The following TNRC18 variants were observed in gnomAD, a reference collection of about 807,000 sequenced individuals.
TNRC18 encodes trinucleotide repeat containing 18.
TNRC18 carries 69 observed loss-of-function variants against 226.7 expected under a neutral mutation model. The observed-to-expected ratio is 0.30, with a 90% CI of 0.25 to 0.37. The LOEUF is 0.37. Ranked by LOEUF, TNRC18 falls within the 10% of genes least tolerant of loss-of-function variation. The pLI, the probability that TNRC18 is intolerant of heterozygous loss-of-function variation, is 1.00. For missense variants in TNRC18, 4,754 were observed against 4,256.6 expected (o/e 1.12, Z -3.25); for synonymous variants, 2,449 against 1,927.6 (o/e 1.27, Z -7.09).
intron 16 of TNRC18, among the ~76,000 whole-genome samples, chr7:5,353,847 G>C (rs1410547813): frequency 6.6e-6 from 1 of 152,148 alleles, no homozygotes; most frequent in Non-Finnish European, 1.5e-5. Flanking sequence ...CCATGAGTCC[G>C]TTTCTCTCAT....
At chr7:5,416,685 G>A (rs920976210) in intron 2 of TNRC18, among the ~76,000 whole-genome samples, 5 of 150,006 alleles carry the variant, frequency 3.3e-5, no homozygotes, top group Admixed American at 6.7e-5. Context: ...GTAAAACTCC[G>A]TCTCTACTAA....
chr7:5,307,768 C>A lies in TNRC18; in HGVS notation c.*338G>T, dbSNP rs1269827880. 2 of 387,080 alleles carry A rather than the reference C, an allele frequency of 5.2e-6. No homozygotes were observed. Among genetic ancestry groups the A allele is most frequent in the South Asian group, 2.3e-5 (1 of 44,428 alleles). 24.0% of individuals were successfully genotyped at this position (387,080 alleles called of 1,614,324 possible). ...CTGCATGGACCTGGGGGCACCCGGGCCCCCACGCAGCAGCAGCCTGGAGGG... is the reference window on the plus strand; with the variant it reads ...CTGCATGGACCTGGGGGCACCCGGGACCCCACGCAGCAGCAGCCTGGAGGG... On this transcript the variant is annotated 3_prime_UTR_variant, in exon 30 of 30. Coordinates refer to ENST00000430969, the MANE Select transcript of TNRC18 (RefSeq NM_001080495.3).
intron 3 of TNRC18, among the ~76,000 whole-genome samples, chr7:5,391,757 G>A (rs1045050445): frequency 2.0e-5 from 3 of 150,952 alleles, no homozygotes; most frequent in African/African-American, 7.3e-5. Context: ...AGCACTCTGG[G>A]AGGCCGATGG....
At chr7:5,392,833 C>A (rs916352653) in intron 3 of TNRC18, among the ~76,000 whole-genome samples, 2 of 152,024 alleles carry the variant, frequency 1.3e-5, no homozygotes, top group Non-Finnish European at 2.9e-5. Flanking sequence ...CATGGTGAAA[C>A]CCCAACTCCA....
chr7:5,327,372 CGTGTGTGTGTGTGTGTGTGTGTGT>C (rs5882054), intron 19 of TNRC18, among the ~76,000 whole-genome samples: 2 of 142,810 alleles, frequency 1.4e-5, no homozygotes, highest in Non-Finnish European at 1.6e-5. Flanking sequence ...TGTGTTTGTG[CGTGTGTGTGTGTGTGTGTGTGTGT>C]GTGTGTGTGT....
chr7:5,333,107 C>T, intron 18 of TNRC18, 58 bp from the exon 19 acceptor site: 2 of 1,521,496 alleles, frequency 1.3e-6, no homozygotes, highest in Non-Finnish European at 1.8e-6. Flanking sequence ...TTCCCTCCCA[C>T]CCAGCCACAT....
intron 11 of TNRC18, among the ~76,000 whole-genome samples, chr7:5,366,254 C>G (rs972504896): frequency 6.8e-6 from 1 of 147,814 alleles, no homozygotes; most frequent in African/African-American, 2.5e-5. Context: ...AATGTGGTTG[C>G]CAATGTCCCC....
Position 5,388,659 on chromosome 7 carries a change from G to A in TNRC18, c.1165C>T (p.Gln389Ter). The A allele has an allele frequency of 7.8e-7, 1 of 1,277,050 alleles. No individual in the cohort carries two copies. Among genetic ancestry groups the A allele is most frequent in the Non-Finnish European group, 9.9e-7 (1 of 1,010,034 alleles). 79.1% of individuals were successfully genotyped at this position (1,277,050 alleles called of 1,614,324 possible). ...GCATCGCGCGCCTGGGATGCGATCT[G>A]GATGGGCCCCGGGCGCTCGTCGAAG... is the stretch of plus-strand genomic sequence containing the variant. ...EAFDERPGPI[Q>*]IASQARDARA... The change falls in exon 5 of 30, where the codon CAG becomes TAG. Residue 389 changes from glutamine to a stop codon, truncating the protein, a stop_gained. Transcript: ENST00000430969. LOFTEE classifies it high-confidence loss of function.
Position 5,309,344 on chromosome 7 carries a change from G to C in TNRC18, c.8413C>G (p.Arg2805Gly). The C allele has an allele frequency of 6.2e-7, 1 of 1,613,426 alleles. No individual in the cohort carries two copies. The highest frequency in any genetic ancestry group is 8.5e-7 in the Non-Finnish European group (1 of 1,179,670). ...ACGATGGCCTTGTAGAAGAGCTTGC[G>C]GGCCTTGCCCTTCATGCCACGCCGC... ...TQRRGMKGKA[R>G]KLFYKAIVRG... The change falls in exon 28 of 30, where the codon CGC becomes GGC. Residue 2805 changes from arginine to glycine, a missense_variant. Physicochemically the swap from Arg to Gly is moderately radical, Grantham distance 125. Transcript: ENST00000430969. This position sits in a 1 kb window ranked among gnomAD's most constrained non-coding sequence, Gnocchi z 5.7.
In TNRC18 at chr7:5,332,920, G is replaced by A; in HGVS notation, c.5849C>T (p.Ala1950Val). Reference protein sequence around the residue: ...GPSLAAPTPGARGPDPSSPDK... With the variant: ...GPSLAAPTPGVRGPDPSSPDK... ...TGGGCTGCTGGGGTCGGGACCGCGG[G>A]CGCCAGGCGTGGGTGCGGCCAGGGA... Residue 1950 changes from alanine to valine, a missense_variant, in exon 19 of 30, where the codon GCC becomes GTC. Transcript: ENST00000430969. 6.5e-7 allele frequency: 1 copy of A among 1,540,662 alleles called. No homozygotes were observed. The highest frequency in any genetic ancestry group is 8.7e-7 in the Non-Finnish European group (1 of 1,150,616).
At position 5,308,052 on chromosome 7, in the gene TNRC18, A is replaced by T; in HGVS notation, c.*54T>A. The T allele has an allele frequency of 6.7e-7, 1 of 1,489,810 alleles. No individual in the cohort carries two copies. Among genetic ancestry groups the T allele is most frequent in the Non-Finnish European group, 9.1e-7 (1 of 1,099,460 alleles). The allele number at this position is 1,489,810 out of a possible 1,614,324, so 92.3% of individuals were successfully genotyped here. Reference sequence around the variant, plus strand: ...GGTCTCCGCGCCATGGCAGTGATGGAGATGGGTCCCTGGCCGCCCTCGGGG... The same window carrying T: ...GGTCTCCGCGCCATGGCAGTGATGGTGATGGGTCCCTGGCCGCCCTCGGGG... On this transcript the variant is annotated 3_prime_UTR_variant, in exon 30 of 30. Coordinates refer to ENST00000430969, the MANE Select transcript of TNRC18 (RefSeq NM_001080495.3).
In TNRC18 at chr7:5,311,191, T is replaced by G. The variant is rs576342072; in HGVS notation, c.8388+1312A>C. Among the ~76,000 whole-genome samples, 13 of 147,128 alleles carry G rather than the reference T, an allele frequency of 8.8e-5. No homozygotes were observed. In the East Asian group the frequency reaches 1.6e-3, roughly 18 times the overall value. ...GCATTCATGTGTACATGTGCACACA[T>G]ATGTGCGTGTGTGTGTGCATGTGCC... is the stretch of plus-strand genomic sequence containing the variant. On this transcript the variant is annotated intron_variant, in intron 27 of 29. Coordinates refer to ENST00000430969, the MANE Select transcript of TNRC18 (RefSeq NM_001080495.3).
Position 5,378,217 on chromosome 7 carries a change from C to G in TNRC18, c.2153-193G>C, listed in dbSNP as rs1023916647. Among the ~76,000 whole-genome samples, 10 of 152,118 alleles carry G rather than the reference C, an allele frequency of 6.6e-5. No individual in the cohort carries two copies. In the South Asian group the frequency reaches 2.1e-3, roughly 32 times the overall value. ...CTCCCCCAAACCCCAACTGGGGTTC[C>G]TCAGGGCCAGAAATCATCCATCCGC... On this transcript the variant is annotated intron_variant, in intron 5 of 29. Coordinates refer to ENST00000430969, the MANE Select transcript of TNRC18 (RefSeq NM_001080495.3).
At chr7:5,360,076 G>T (rs987632627) in intron 14 of TNRC18, among the ~76,000 whole-genome samples, 12 of 152,032 alleles carry the variant, frequency 7.9e-5, no homozygotes, top group African/African-American at 2.9e-4. Flanking sequence ...AGCCCCACTT[G>T]CTTGCTTTAA....
At chr7:5,332,482 A>T in intron 19 of TNRC18, 140 bp downstream of exon 19, 1 of 891,498 alleles carries the variant, frequency 1.1e-6, no homozygotes, top group Non-Finnish European at 1.6e-6. Flanking sequence ...AAGTCCTAGC[A>T]GGGGCTCCGG....
Position 5,307,833 on chromosome 7 carries a change from G to A in TNRC18, c.*273C>T, listed in dbSNP as rs1786704436. 2.0e-6 allele frequency: 1 copy of A among 509,872 alleles called. No individual in the cohort carries two copies. Among genetic ancestry groups the A allele is most frequent in the South Asian group, 2.1e-5 (1 of 47,570 alleles). 31.6% of individuals were successfully genotyped at this position (509,872 alleles called of 1,614,324 possible). ...TGCTTGCAACGTGCTGGGCAGGAAG[G>A]GCCGGTCCGGCCATACCCTGATAGC... On this transcript the variant is annotated 3_prime_UTR_variant, in exon 30 of 30. Transcript: ENST00000430969.
intron 17 of TNRC18, among the ~76,000 whole-genome samples, chr7:5,347,488 A>G (rs1312444289): frequency 1.4e-5 from 2 of 144,332 alleles, no homozygotes; most frequent in Non-Finnish European, 3.0e-5. Flanking sequence ...GAGCCGCCAC[A>G]CCCAGCCCCC....
chr7:5,400,549 G>A (rs1008280673), intron 2 of TNRC18, among the ~76,000 whole-genome samples: 1 of 151,972 alleles, frequency 6.6e-6, no homozygotes, highest in East Asian at 1.9e-4. Context: ...GAGGTGGAAG[G>A]TGCAGTGAGC....
At chr7:5,376,354 C>T (rs374590795) in intron 8 of TNRC18, 130 bp from the exon 9 acceptor site, 192 of 839,788 alleles carry the variant, frequency 2.3e-4, no homozygotes, top group Middle Eastern at 8.2e-4. Context: ...TGCGGGCCCC[C>T]GGCTGCTCCC....
Sources: gnomAD v4.1 joint callset for allele counts (sites outside exome capture counted in the v4.1 genomes callset) on GRCh38, gnomAD v4.1.1 for gene constraint, Gnocchi (gnomAD v3.1) non-coding constraint, MANE v1.5 for transcripts, NCBI Gene and HGNC (gene_info 2026-07-23, HGNC 2026-07-21) for gene names.